DNM2: variants seen among roughly 807,000 people sequenced by gnomAD.
DNM2 encodes the protein dynamin-2.
DNM2 carries 15 observed loss-of-function variants against 99.0 expected under a neutral mutation model. That is an observed-to-expected ratio of 0.15 (90% confidence interval 0.10 to 0.23). DNM2 has a LOEUF of 0.23. DNM2 is among the 10% of genes least tolerant of loss of function. DNM2 has a pLI of 1.00. For synonymous variants in DNM2, 525 were observed against 481.2 expected (o/e 1.09, Z -1.19); for missense variants, 742 against 1,189.4 (o/e 0.62, Z 5.53).
At chr19:10,766,240 A>G (rs1242864724) in intron 2 of DNM2, among the ~76,000 whole-genome samples, 9 of 152,362 alleles carry the variant, frequency 5.9e-5, no homozygotes, top group African/African-American at 2.2e-4. Flanking sequence ...AAGTAGTGCC[A>G]GCGGGCACGT....
rs377633348 is a variant in DNM2, at chr19:10,772,641, G to C, written c.385+13G>C. 14 of 1,613,858 alleles carry C rather than the reference G, an allele frequency of 8.7e-6. No homozygotes were observed. The highest frequency in any genetic ancestry group is 1.2e-5 in the Non-Finnish European group (14 of 1,180,030). On this transcript the variant is annotated intron_variant, in intron 3 of 20. Transcript: ENST00000389253. This position sits in a 1 kb window ranked among gnomAD's most constrained non-coding sequence, Gnocchi z 4.9. Reference sequence around the variant, plus strand: ...TACTCGCCACACGGTAGGCAGCACGGGTGGGGACCCATCACTGACCGTTTC... The same window carrying C: ...TACTCGCCACACGGTAGGCAGCACGCGTGGGGACCCATCACTGACCGTTTC...
chr19:10,831,260 G>A lies in DNM2; in HGVS notation c.*213G>A, dbSNP rs2073341656. ...GGGGCCCTGGAGCTCCAGGCAGGGG[G>A]CGCTGGGGTGTTGCACTTTGGGGGA... is the stretch of plus-strand genomic sequence containing the variant. On this transcript the variant is annotated 3_prime_UTR_variant, in exon 21 of 21. Transcript: ENST00000389253. The surrounding 1 kb of genome is among the most constrained non-coding windows in gnomAD (Gnocchi z 4.3). 3.8e-6 allele frequency: 5 copies of A among 1,322,830 alleles called. No homozygotes were observed. The highest frequency in any genetic ancestry group is 1.5e-5 in the African/African-American group (1 of 64,968). 81.9% of individuals were successfully genotyped at this position (1,322,830 alleles called of 1,614,324 possible). A position where few individuals can be genotyped will look rare whatever the true frequency, so the allele number is the denominator to read the frequency against.
intron 6 of DNM2, 69 bp downstream of exon 6, chr19:10,783,189 A>G: frequency 7.5e-6 from 12 of 1,590,478 alleles, no homozygotes; most frequent in Non-Finnish European, 9.4e-6. Context: ...TGCAATCCTC[A>G]CTGGCACTTG....
At chr19:10,760,300 C>T (rs1276389777) in intron 2 of DNM2, among the ~76,000 whole-genome samples, 1 of 152,004 alleles carries the variant, frequency 6.6e-6, no homozygotes, top group Non-Finnish European at 1.5e-5. Flanking sequence ...TTCGGCCTCC[C>T]TAAGTGCTGG....
chr19:10,757,776 C>T (rs1284409752), intron 1 of DNM2, among the ~76,000 whole-genome samples: 4 of 151,900 alleles, frequency 2.6e-5, no homozygotes, highest in Non-Finnish European at 5.9e-5. Context: ...AACCCTGTCT[C>T]TACTAAAAAT....
In DNM2 at chr19:10,831,304, GA is replaced by G; in HGVS notation, c.*258del. The G allele has an allele frequency of 7.8e-7, 1 of 1,277,958 alleles. No individual in the cohort carries two copies. Among genetic ancestry groups the G allele is most frequent in the Non-Finnish European group, 9.9e-7 (1 of 1,012,900 alleles). The allele number at this position is 1,277,958 out of a possible 1,614,324, so 79.2% of individuals were successfully genotyped here. A position where few individuals can be genotyped will look rare whatever the true frequency, so the allele number is the denominator to read the frequency against. On this transcript the variant is annotated 3_prime_UTR_variant, in exon 21 of 21. Transcript: ENST00000389253. This position sits in a 1 kb window ranked among gnomAD's most constrained non-coding sequence, Gnocchi z 4.3. ...TGGGGGATGGAGTCTCAGGGTGGCA[GA>G]GGGGGGACCAGAACCCTTGACACCA...
intron 8 of DNM2, among the ~76,000 whole-genome samples, chr19:10,794,564 A>C (rs1191021148): frequency 1.3e-5 from 2 of 152,066 alleles, no homozygotes; most frequent in African/African-American, 4.8e-5. Context: ...CAACATGGTG[A>C]AACCCCATCT....
chr19:10,812,369 G>A lies in DNM2; in HGVS notation c.1663G>A (p.Asp555Asn), dbSNP rs891397477. The A allele has an allele frequency of 5.0e-6, 8 of 1,607,554 alleles. No individual in the cohort carries two copies. In the East Asian group the frequency reaches 1.6e-4, roughly 32 times the overall value. The change falls in exon 15 of 21, where the codon GAT becomes AAT. Residue 555 changes from aspartate to asparagine, a missense_variant. Coordinates refer to ENST00000389253, the MANE Select transcript of DNM2 (RefSeq NM_001005361.3). This position sits in a 1 kb window ranked among gnomAD's most constrained non-coding sequence, Gnocchi z 4.0. ...LTAESLSWYK[D>N]EEEKEKKYML... ...TGCCGAGTCACTGTCCTGGTACAAG[G>A]ATGAGGAGGTGAGTGGCAGGCGGGA...
At chr19:10,735,896 C>A (rs1668085096) in intron 1 of DNM2, among the ~76,000 whole-genome samples, 1 of 152,136 alleles carries the variant, frequency 6.6e-6, no homozygotes, top group Admixed American at 6.6e-5. Context: ...TGTGTGGGTC[C>A]AACCTGAACT....
At chr19:10,725,032 G>T (rs918870553) in intron 1 of DNM2, among the ~76,000 whole-genome samples, 1 of 152,232 alleles carries the variant, frequency 6.6e-6, no homozygotes, top group Non-Finnish European at 1.5e-5. Flanking sequence ...GGAGGGGCAC[G>T]TGATGTGTTC....
Position 10,766,609 on chromosome 19 carries a change from C to G in DNM2, c.236-5870C>G, listed in dbSNP as rs554211531. ...ATTTTAATTAAGCAGCTGCTGTATA[C>G]GAGATGCTAGGGGGAACTGTGATCA... is the stretch of plus-strand genomic sequence containing the variant. On this transcript the variant is annotated intron_variant, in intron 2 of 20. Coordinates refer to ENST00000389253, the MANE Select transcript of DNM2 (RefSeq NM_001005361.3). Among the ~76,000 whole-genome samples the G allele has an allele frequency of 3.3e-5, 5 of 151,930 alleles. No homozygotes were observed. The East Asian group carries it at 5.8e-4, about 18-fold the overall frequency.
chr19:10,729,159 C>T (rs1465241417), intron 1 of DNM2, among the ~76,000 whole-genome samples: 6 of 60,078 alleles, frequency 1.0e-4, no homozygotes, highest in African/African-American at 2.1e-4. Flanking sequence ...AGCGAGACTC[C>T]GTCTCAAAAA....
At chr19:10,734,858 C>A (rs1472480099) in intron 1 of DNM2, among the ~76,000 whole-genome samples, 1 of 149,380 alleles carries the variant, frequency 6.7e-6, no homozygotes, top group Non-Finnish European at 1.5e-5. Context: ...TCTCCTTAAG[C>A]CTTTTTCTGG....
intron 2 of DNM2, among the ~76,000 whole-genome samples, chr19:10,767,091 C>A (rs898439580): frequency 6.6e-6 from 1 of 152,002 alleles, no homozygotes; most frequent in African/African-American, 2.4e-5. Context: ...TGGCAGGGAC[C>A]GGGACAGGCA....
At chr19:10,803,633 C>A in intron 12 of DNM2, 1 of 986,366 alleles carries the variant, frequency 1.0e-6, no homozygotes, top group Non-Finnish European at 1.2e-6. Context: ...TTCCCACTTA[C>A]CCCAGCTGTT....
chr19:10,802,347 C>T lies in DNM2; in HGVS notation c.1482C>T (p.Ile494=), dbSNP rs377458236. ...TCAACACGAACCATGAGGACTTCAT[C>T]GGGTTTGCCAAGTAGGTACTTTTAG... The part of the protein sequence containing the change: ...SYINTNHEDF[I]GFANAQQRST... Residue 494 remains isoleucine, a synonymous_variant, in exon 12 of 21, where the codon ATC becomes ATT. Transcript: ENST00000389253. The T allele has an allele frequency of 1.3e-5, 21 of 1,614,006 alleles. No individual in the cohort carries two copies. Among genetic ancestry groups the T allele is most frequent in the Admixed American group, 3.3e-5 (2 of 59,996 alleles).
intron 7 of DNM2, among the ~76,000 whole-genome samples, chr19:10,790,227 G>T (rs1024761225): frequency 4.6e-5 from 7 of 152,212 alleles, no homozygotes; most frequent in Non-Finnish European, 1.5e-5. Flanking sequence ...GGAGCCTTCT[G>T]TCTCCGCCTG....
At position 10,824,570 on chromosome 19, in the gene DNM2, C is replaced by T. The variant is rs2073082363; in HGVS notation, c.1894-487C>T. 2.4e-5 allele frequency: 5 copies of T among 207,784 alleles called. No homozygotes were observed. The South Asian group carries it at 4.0e-4, about 16-fold the overall frequency. 12.9% of individuals were successfully genotyped at this position (207,784 alleles called of 1,614,324 possible). A position where few individuals can be genotyped will look rare whatever the true frequency, so the allele number is the denominator to read the frequency against. On this transcript the variant is annotated intron_variant, in intron 17 of 20. Coordinates refer to ENST00000389253, the MANE Select transcript of DNM2 (RefSeq NM_001005361.3). ...CCTGCAATCCCAACACTTTGGGAGG[C>T]AATGTGGGCAGATCCTTTGGGCCCA... is the stretch of plus-strand genomic sequence containing the variant.
intron 1 of DNM2, among the ~76,000 whole-genome samples, chr19:10,757,822 G>A (rs1425019659): frequency 6.6e-6 from 1 of 151,652 alleles, no homozygotes; most frequent in African/African-American, 2.4e-5. Context: ...GCGCGTGCAT[G>A]TAATCCCAGC....
Sources: allele counts gnomAD v4.1 joint callset (sites outside exome capture counted in the v4.1 genomes callset), GRCh38; gene constraint gnomAD v4.1.1; non-coding constraint Gnocchi (gnomAD v3.1); transcripts MANE v1.5; gene names NCBI Gene and HGNC (gene_info 2026-07-23, HGNC 2026-07-21).